CALN1: variants seen among roughly 807,000 people sequenced by gnomAD.
CALN1 encodes calneuron 1.
Under a neutral mutation model 30.6 loss-of-function variants are expected in CALN1, and 17 were observed. That is an observed-to-expected ratio of 0.56 (90% CI 0.38 to 0.83). The LOEUF (loss-of-function observed/expected upper bound fraction) is 0.83. Ranked by LOEUF, CALN1 falls within the 40% of genes least tolerant of loss-of-function variation. CALN1 has a pLI of 0.00. For missense variants in CALN1, 291 were observed against 354.9 expected (o/e 0.82, Z 1.45); for synonymous variants, 156 against 131.4 (o/e 1.19, Z -1.28).
At chr7:72,471,094 A>G in the CALN1 span, among the ~76,000 whole-genome samples, 45 of 152,208 alleles carry the variant, frequency 3.0e-4, 1 homozygote, top group Non-Finnish European at 1.5e-5. Flanking sequence ...AGCTAGAACT[A>G]CAAGCAAGCA....
the CALN1 span, among the ~76,000 whole-genome samples, chr7:72,493,662 C>T: frequency 6.6e-6 from 1 of 152,202 alleles, no homozygotes; most frequent in Non-Finnish European, 1.5e-5. Context: ...TATCATAACT[C>T]TTACAGCATC....
chr7:72,004,969 C>G (rs893931497), intron 5 of CALN1, among the ~76,000 whole-genome samples: 2 of 151,982 alleles, frequency 1.3e-5, no homozygotes, highest in African/African-American at 4.8e-5. Flanking sequence ...ACCAGAATGG[C>G]TAAAATATAA....
intron 5 of CALN1, among the ~76,000 whole-genome samples, chr7:71,908,155 T>C (rs13243279): frequency 0.086 from 13,033 of 152,208 alleles, 959 homozygotes; most frequent in East Asian, 0.42. Flanking sequence ...AATCCTCTTT[T>C]CTCTGTCTGA....
At chr7:71,974,177 G>C (rs537075740) in intron 5 of CALN1, among the ~76,000 whole-genome samples, 1 of 152,224 alleles carries the variant, frequency 6.6e-6, no homozygotes, top group Admixed American at 6.5e-5. Context: ...CAGCACTTTG[G>C]GAGGCCGAGG....
rs138503763 is a variant in CALN1, at chr7:72,039,754, G to A, written c.389-15985C>T. Among the ~76,000 whole-genome samples, 517 of 152,218 alleles carry A rather than the reference G, an allele frequency of 3.4e-3. 2 individuals are homozygous for A. The highest frequency in any genetic ancestry group is 0.012 in the African/African-American group (498 of 41,536). ...GGGGCCCAGGCCTCTCACCCTTTTG[G>A]CTACTGAAAATGTCCTCCCCAAACC... On this transcript the variant is annotated intron_variant, in intron 4 of 6. Coordinates refer to ENST00000395275, the MANE Select transcript of CALN1 (RefSeq NM_031468.4).
chr7:71,991,066 T>G (rs1798926511), intron 5 of CALN1, among the ~76,000 whole-genome samples: 1 of 150,010 alleles, frequency 6.7e-6, no homozygotes, highest in Admixed American at 6.6e-5. Context: ...GGTCGACAAA[T>G]ATGAAGGAAG....
chr7:72,021,318 A>C (rs745543936), intron 5 of CALN1, among the ~76,000 whole-genome samples: 8 of 151,834 alleles, frequency 5.3e-5, no homozygotes, highest in Non-Finnish European at 1.0e-4. Context: ...AGGAGAATAG[A>C]TGGAGAATGA....
At chr7:71,823,449 G>A (rs1164029482) in intron 5 of CALN1, among the ~76,000 whole-genome samples, 1 of 152,260 alleles carries the variant, frequency 6.6e-6, no homozygotes, top group African/African-American at 2.4e-5. Flanking sequence ...GCCGGGAGCG[G>A]TGGCTCACGC....
upstream of CALN1, among the ~76,000 whole-genome samples, chr7:72,449,735 C>G (rs188668885): frequency 0.077 from 11,762 of 151,790 alleles, 722 homozygotes; most frequent in African/African-American, 0.16. Context: ...ATTAGCCGGG[C>G]ATGGTGGCGG....
chr7:72,357,484 G>C lies in CALN1; in HGVS notation c.119+45767C>G, dbSNP rs999674502. ...AGAAGAAAATTAAAGGTAGAGAAAA[G>C]TGTGTGCTGATACCACCCCCAACCC... On this transcript the variant is annotated intron_variant, in intron 2 of 6. Transcript: ENST00000395275. 1.1e-4 allele frequency among the ~76,000 whole-genome samples: 17 copies of C among 151,912 alleles called. 1 individual carries two copies. The highest frequency in any genetic ancestry group is 3.6e-4 in the African/African-American group (15 of 41,194).
intron 5 of CALN1, among the ~76,000 whole-genome samples, chr7:71,971,943 A>AGAAAG (rs1797827276): frequency 7.9e-6 from 1 of 126,644 alleles, no homozygotes; most frequent in Admixed American, 8.9e-5. Context: ...AAAAAAAAAA[A>AGAAAG]AAAAAAAAAA....
At chr7:71,972,375 G>A (rs1158177389) in intron 5 of CALN1, among the ~76,000 whole-genome samples, 4 of 152,086 alleles carry the variant, frequency 2.6e-5, no homozygotes, top group Non-Finnish European at 4.4e-5. Context: ...ATAGAATGGC[G>A]GCCTTTGTGA....
the CALN1 span, among the ~76,000 whole-genome samples, chr7:72,478,002 C>T: frequency 4.6e-4 from 70 of 152,240 alleles, no homozygotes; most frequent in Middle Eastern, 0.014. Flanking sequence ...AGACAGGAAC[C>T]ATGTGGTATT....
At chr7:72,218,123 T>C (rs1792984548) in intron 3 of CALN1, among the ~76,000 whole-genome samples, 1 of 151,486 alleles carries the variant, frequency 6.6e-6, no homozygotes, top group African/African-American at 2.4e-5. Flanking sequence ...ATTACAGGCG[T>C]GAGCCACCCC....
intron 3 of CALN1, among the ~76,000 whole-genome samples, chr7:72,164,106 G>A (rs1451425985): frequency 1.3e-5 from 2 of 152,102 alleles, no homozygotes; most frequent in South Asian, 2.1e-4. Flanking sequence ...AGTGGCTCAC[G>A]CCTGTAATCC....
At chr7:72,027,161 ATT>A (rs2129530931) in intron 4 of CALN1, among the ~76,000 whole-genome samples, 1 of 152,314 alleles carries the variant, frequency 6.6e-6, no homozygotes, top group Non-Finnish European at 1.5e-5. Context: ...TCTGTACAAA[ATT>A]TCAAGAGGGT....
At chr7:71,949,847 C>T (rs1343807660) in intron 5 of CALN1, among the ~76,000 whole-genome samples, 2 of 151,602 alleles carry the variant, frequency 1.3e-5, no homozygotes, top group Non-Finnish European at 1.5e-5. Context: ...CTGCAAGCTC[C>T]GCCTCCCGGG....
Position 71,780,312 on chromosome 7 carries a change from C to G in CALN1, c.*7463G>C, listed in dbSNP as rs950005317. On this transcript the variant is annotated 3_prime_UTR_variant, in exon 7 of 7. Transcript: ENST00000395275. ...CTGACAGGATCCTTTCTTGGCCAAT[C>G]TAGGTCTTTCCCAGGGAGAACAACA... The G allele has an allele frequency of 2.0e-5, 3 of 152,236 alleles. No individual in the cohort carries two copies. The highest frequency in any genetic ancestry group is 1.3e-4 in the Admixed American group (2 of 15,286). The allele number at this position is 152,236 out of a possible 1,614,324, so 9.4% of individuals were successfully genotyped here. A position where few individuals can be genotyped will look rare whatever the true frequency, so the allele number is the denominator to read the frequency against.
intron 5 of CALN1, among the ~76,000 whole-genome samples, chr7:72,017,783 A>G (rs748175700): frequency 6.6e-6 from 1 of 152,150 alleles, no homozygotes; most frequent in Non-Finnish European, 1.5e-5. Flanking sequence ...TTTGATTGTG[A>G]ATAAGATTAA....
Sources: allele counts gnomAD v4.1 joint callset (sites outside exome capture counted in the v4.1 genomes callset), GRCh38; gene constraint gnomAD v4.1.1; transcripts MANE v1.5; gene names NCBI Gene and HGNC (gene_info 2026-07-23, HGNC 2026-07-21).